STXBP5L: variants seen among roughly 807,000 people sequenced by gnomAD.
STXBP5L encodes the protein syntaxin-binding protein 5-like.
STXBP5L carries 65 observed loss-of-function variants against 144.5 expected under a neutral mutation model. The ratio of observed to expected loss-of-function variants is 0.45; its 90% CI spans 0.37 to 0.55. The LOEUF (loss-of-function observed/expected upper bound fraction) is 0.55. STXBP5L is among the 20% of genes least tolerant of loss of function. The pLI is 0.00. For missense variants in STXBP5L, 1,298 were observed against 1,405.5 expected, an observed-to-expected ratio of 0.92 and a Z score of 1.22; for synonymous variants, 505 against 469.6, an observed-to-expected ratio of 1.08 and a Z score of -0.97.
chr3:121,194,589 G>A (rs957019797), intron 9 of STXBP5L, among the ~76,000 whole-genome samples: 1 of 151,974 alleles, frequency 6.6e-6, no homozygotes, highest in Non-Finnish European at 1.5e-5. Context: ...CATAGAATGA[G>A]TTGGGAAGTG....
intron 5 of STXBP5L, among the ~76,000 whole-genome samples, chr3:121,102,377 G>T (rs1363596808): frequency 1.3e-5 from 2 of 151,994 alleles, no homozygotes; most frequent in African/African-American, 4.8e-5. Flanking sequence ...TAGACCAATG[G>T]AACAGAATAG....
At chr3:121,248,862 A>G (rs990196690) in intron 14 of STXBP5L, among the ~76,000 whole-genome samples, 1 of 152,164 alleles carries the variant, frequency 6.6e-6, no homozygotes, top group African/African-American at 2.4e-5. Flanking sequence ...TCTTTTGCAT[A>G]TGGCTAGCCA....
chr3:121,093,816 T>G (rs924903670), intron 5 of STXBP5L, among the ~76,000 whole-genome samples: 4 of 152,216 alleles, frequency 2.6e-5, no homozygotes, highest in Non-Finnish European at 2.9e-5. Flanking sequence ...TCTGCTAGCT[T>G]TTGAATGTGT....
chr3:121,062,642 A>T (rs961085618), intron 5 of STXBP5L, among the ~76,000 whole-genome samples: 1 of 152,162 alleles, frequency 6.6e-6, no homozygotes, highest in Non-Finnish European at 1.5e-5. Context: ...TTTCAGGTAC[A>T]CCAGTTAAAC....
chr3:121,089,467 T>A (rs1364940548), intron 5 of STXBP5L, among the ~76,000 whole-genome samples: 1 of 152,026 alleles, frequency 6.6e-6, no homozygotes, highest in Non-Finnish European at 1.5e-5. Context: ...AGAAATCTAC[T>A]GTCATTGGAA....
chr3:121,341,872 G>T (rs911919227), intron 20 of STXBP5L, among the ~76,000 whole-genome samples: 2 of 147,786 alleles, frequency 1.4e-5, no homozygotes, highest in Middle Eastern at 3.4e-3. Context: ...TGAAGGGAAA[G>T]TGGGATAGTT....
chr3:121,186,645 C>G (rs913318177), intron 9 of STXBP5L, among the ~76,000 whole-genome samples: 4 of 152,108 alleles, frequency 2.6e-5, no homozygotes, highest in African/African-American at 9.7e-5. Flanking sequence ...GGATGAAGCC[C>G]ACTTGATCAT....
chr3:121,150,748 C>T (rs1476485710), intron 7 of STXBP5L, among the ~76,000 whole-genome samples: 1 of 151,976 alleles, frequency 6.6e-6, no homozygotes, highest in Non-Finnish European at 1.5e-5. Context: ...GCTAATGAAT[C>T]TCCTTGCCAA....
intron 7 of STXBP5L, among the ~76,000 whole-genome samples, chr3:121,129,121 T>A (rs1195188633): frequency 6.6e-6 from 1 of 152,094 alleles, no homozygotes; most frequent in Admixed American, 6.6e-5. Flanking sequence ...GGCCCAAGTC[T>A]AATCTCACAG....
At chr3:121,135,360 C>A (rs1400598682) in intron 7 of STXBP5L, among the ~76,000 whole-genome samples, 1 of 152,058 alleles carries the variant, frequency 6.6e-6, no homozygotes, top group East Asian at 1.9e-4. Context: ...CTGTAGGTTG[C>A]CTGTGAGGAG....
intron 18 of STXBP5L, 87 bp downstream of exon 18, chr3:121,259,255 A>T: frequency 9.3e-7 from 1 of 1,076,654 alleles, no homozygotes; most frequent in Non-Finnish European, 1.2e-6. Flanking sequence ...CCTAAAAATG[A>T]AAAGAAGCCC....
chr3:121,321,901 A>G (rs1284071159), intron 20 of STXBP5L, among the ~76,000 whole-genome samples: 1 of 152,170 alleles, frequency 6.6e-6, no homozygotes, highest in Non-Finnish European at 1.5e-5. Flanking sequence ...GGTTTGTTAC[A>G]TGGGTATATT....
intron 7 of STXBP5L, among the ~76,000 whole-genome samples, chr3:121,151,312 A>G (rs1553719255): frequency 6.6e-6 from 1 of 152,128 alleles, no homozygotes; most frequent in South Asian, 2.1e-4. Flanking sequence ...AAAAAGCTCA[A>G]TTTTTTGTCA....
At chr3:120,915,146 A>G (rs1198732966) in intron 2 of STXBP5L, among the ~76,000 whole-genome samples, 1 of 152,150 alleles carries the variant, frequency 6.6e-6, no homozygotes, top group Non-Finnish European at 1.5e-5. Flanking sequence ...CAGTGCCGTC[A>G]TACTTTTTGT....
rs562477879 is a variant in STXBP5L, at chr3:120,920,625, C to A, written c.189+10858C>A. ...TGATTCAAAATATATATATTTGTAC[C>A]CATTAATCAACTTGTCTTCATTTTC... On this transcript the variant is annotated intron_variant, in intron 2 of 26. Transcript: ENST00000471454. Among the ~76,000 whole-genome samples, 7 of 151,472 alleles carry A rather than the reference C, an allele frequency of 4.6e-5. No individual in the cohort carries two copies. In the East Asian group the frequency reaches 1.4e-3, roughly 29 times the overall value.
At chr3:121,023,525 G>A (rs188877626) in intron 3 of STXBP5L, among the ~76,000 whole-genome samples, 12 of 152,214 alleles carry the variant, frequency 7.9e-5, no homozygotes, top group Admixed American at 3.3e-4. Context: ...CAAAACAGTG[G>A]TATTGGTATA....
intron 20 of STXBP5L, among the ~76,000 whole-genome samples, chr3:121,328,664 C>T (rs936069643): frequency 6.6e-6 from 1 of 152,010 alleles, no homozygotes; most frequent in African/African-American, 2.4e-5. Context: ...GCAGAAGAAT[C>T]GCTTGAACCC....
At chr3:121,098,421 A>G (rs2043240134) in intron 5 of STXBP5L, among the ~76,000 whole-genome samples, 1 of 152,092 alleles carries the variant, frequency 6.6e-6, no homozygotes, top group African/African-American at 2.4e-5. Flanking sequence ...CAGGGTAAGA[A>G]CTCCCTCATT....
chr3:121,202,152 A>T (rs1235492601), intron 9 of STXBP5L, among the ~76,000 whole-genome samples: 6 of 152,140 alleles, frequency 3.9e-5, no homozygotes. Context: ...ATTATTATTA[A>T]ATCTTATATA....
Sources: allele counts gnomAD v4.1 joint callset (sites outside exome capture counted in the v4.1 genomes callset), GRCh38; gene constraint gnomAD v4.1.1; transcripts MANE v1.5; gene names NCBI Gene and HGNC (gene_info 2026-07-23, HGNC 2026-07-21).